The following MYBPC1 variants were observed in gnomAD, a reference collection of about 807,000 sequenced individuals.
The protein encoded by MYBPC1 is myosin binding protein C1.
Under a neutral mutation model 147.1 loss-of-function variants are expected in MYBPC1, and 52 were observed. The observed-to-expected ratio is 0.35, with a 90% CI of 0.28 to 0.45. The LOEUF is 0.45. MYBPC1 is among the 20% of genes least tolerant of loss of function. The probability of loss-of-function intolerance (pLI) is 1.00; values close to 1 mark genes in which losing one functional copy is unlikely to be tolerated. For synonymous variants in MYBPC1, 477 were observed against 475.9 expected (o/e 1.00, Z -0.03); for missense variants, 1,228 against 1,440.3 (o/e 0.85, Z 2.39).
chr12:101,669,204 T>G (rs1196622900), intron 23 of MYBPC1, among the ~76,000 whole-genome samples: 1 of 152,222 alleles, frequency 6.6e-6, no homozygotes, highest in Non-Finnish European at 1.5e-5. Context: ...GTACTTAGGC[T>G]GCACACTGCA....
chr12:101,695,725 C>G, the MYBPC1 span, among the ~76,000 whole-genome samples: 1 of 152,110 alleles, frequency 6.6e-6, no homozygotes. Context: ...GATATTGGAG[C>G]AGAGAGACAG....
chr12:101,652,525 C>T (rs1333781720), intron 16 of MYBPC1, among the ~76,000 whole-genome samples, 153 bp from the exon 17 acceptor site: 2 of 149,376 alleles, frequency 1.3e-5, no homozygotes, highest in African/African-American at 4.9e-5. Flanking sequence ...GGCTTCTCAT[C>T]CTCTCTCTCT....
Position 101,678,329 on chromosome 12 carries a change from T to A in MYBPC1, c.3246+91T>A, listed in dbSNP as rs547399093. The A allele has an allele frequency of 5.8e-6, 9 of 1,542,756 alleles. No individual in the cohort carries two copies. The East Asian group carries it at 1.1e-4, about 19-fold the overall frequency. ...TAACAATGTAAACAAATCCAGCTGC[T>A]ACTTGTGTCTTCCCAGGATGGGGGA... On this transcript the variant is annotated intron_variant, in intron 28 of 31. Coordinates refer to ENST00000361466, the MANE Select transcript of MYBPC1 (RefSeq NM_002465.4).
At chr12:101,671,331 ACACACACT>A (rs1480662296) in intron 24 of MYBPC1, among the ~76,000 whole-genome samples, 30 of 117,250 alleles carry the variant, frequency 2.6e-4, no homozygotes, top group African/African-American at 6.7e-4. Flanking sequence ...ACACACACAC[ACACACACT>A]CACACACACA....
rs945748085 is a variant in MYBPC1 at position 101,633,974 on chromosome 12, G to A, written c.557-580G>A. Among the ~76,000 whole-genome samples the A allele has an allele frequency of 4.6e-5, 7 of 151,080 alleles. No individual in the cohort carries two copies. In the East Asian group the frequency reaches 1.4e-3, roughly 30 times the overall value. ...TGCAGTGGCGCGATCTCGGCTCACT[G>A]CGAGCTCCGCCTCCCGGGTTCACGC... On this transcript the variant is annotated intron_variant, in intron 8 of 31. Coordinates refer to ENST00000361466, the MANE Select transcript of MYBPC1 (RefSeq NM_002465.4).
At chr12:101,631,947 C>A (rs1889991738) in intron 7 of MYBPC1, 74 bp from the exon 8 acceptor site, 5 of 1,382,240 alleles carry the variant, frequency 3.6e-6, no homozygotes, top group Non-Finnish European at 5.2e-6. Context: ...CACAGACAGA[C>A]ACAGCTTTAA....
chr12:101,606,203 A>AACACACAC (rs113061042), intron 1 of MYBPC1, among the ~76,000 whole-genome samples: 2,347 of 145,886 alleles, frequency 0.016, 33 homozygotes, highest in African/African-American at 0.023. Context: ...TCAAAAAAGA[A>AACACACAC]ACACACACAC....
chr12:101,685,222 T>C (rs1421825605), intron 31 of MYBPC1, among the ~76,000 whole-genome samples: 1 of 152,204 alleles, frequency 6.6e-6, no homozygotes, highest in Non-Finnish European at 1.5e-5. Context: ...TAATGTGGTA[T>C]GCATTTATTC....
chr12:101,614,638 C>T (rs1421184080), intron 2 of MYBPC1, 107 bp downstream of exon 2: 5 of 1,130,742 alleles, frequency 4.4e-6, no homozygotes, highest in Admixed American at 3.9e-5. Flanking sequence ...TTTAACCTAA[C>T]TCCTACTGAG....
At chr12:101,656,631 A>G (rs1201820545) in intron 18 of MYBPC1, among the ~76,000 whole-genome samples, 1 of 152,214 alleles carries the variant, frequency 6.6e-6, no homozygotes, top group Non-Finnish European at 1.5e-5. Context: ...TGAATGGGTC[A>G]ATACTCCAAG....
chr12:101,693,817 C>T, the MYBPC1 span, among the ~76,000 whole-genome samples: 2 of 152,194 alleles, frequency 1.3e-5, no homozygotes, highest in Non-Finnish European at 2.9e-5. Context: ...ATTGCATTTG[C>T]AGGCTCTTTT....
intron 19 of MYBPC1, chr12:101,660,090 C>T: frequency 4.0e-6 from 2 of 501,552 alleles, no homozygotes; most frequent in Admixed American, 3.2e-5. Context: ...TGCTAAATAA[C>T]TTCCCACATC....
chr12:101,639,351 T>C (rs1891583619), intron 10 of MYBPC1, among the ~76,000 whole-genome samples: 2 of 152,202 alleles, frequency 1.3e-5, no homozygotes, highest in South Asian at 4.1e-4. Context: ...CACTGTAACT[T>C]AACATAGCCA....
chr12:101,685,804 T>C lies in MYBPC1; in HGVS notation c.*242T>C. On this transcript the variant is annotated 3_prime_UTR_variant, in exon 32 of 32. Coordinates refer to ENST00000361466, the MANE Select transcript of MYBPC1 (RefSeq NM_002465.4). ...GTGGTCTTTTTCTTTCCTCCTAATG[T>C]TGAAGAGAAAAAAAAAAAAAAAAGT... 1.7e-6 allele frequency: 1 copy of C among 604,150 alleles called. No individual in the cohort carries two copies. The highest frequency in any genetic ancestry group is 2.6e-6 in the Non-Finnish European group (1 of 391,260). 37.4% of individuals were successfully genotyped at this position (604,150 alleles called of 1,614,324 possible). A position where few individuals can be genotyped will look rare whatever the true frequency, so the allele number is the denominator to read the frequency against.
intron 9 of MYBPC1, 34 bp downstream of exon 9, chr12:101,634,639 T>C: frequency 1.3e-6 from 2 of 1,525,398 alleles, no homozygotes; most frequent in Admixed American, 1.7e-5. Context: ...ATAGCTTTTG[T>C]ATAACACAGA....
In MYBPC1 at chr12:101,617,187, G is replaced by T. The variant is rs1414742122; in HGVS notation, c.62-15G>T. ...TTAAGGCACTTTAAAAAATATGCTT[G>T]TACTTTCTACACAGAACCAAGTAAA... On this transcript the variant is annotated splice_polypyrimidine_tract_variant and intron_variant, in intron 2 of 31. Coordinates refer to ENST00000361466, the MANE Select transcript of MYBPC1 (RefSeq NM_002465.4). 1.9e-6 allele frequency: 3 copies of T among 1,613,380 alleles called. No homozygotes were observed. The highest frequency in any genetic ancestry group is 2.5e-6 in the Non-Finnish European group (3 of 1,179,688).
At chr12:101,662,896 A>C (rs141356198) in intron 21 of MYBPC1, among the ~76,000 whole-genome samples, 9 of 152,204 alleles carry the variant, frequency 5.9e-5, no homozygotes, top group Non-Finnish European at 1.3e-4. Context: ...AACCCAGCTT[A>C]GTGTAAACAA....
chr12:101,624,683 A>ATTTTTTTTTTTTTTTTTTTTTTTTTTT (rs57175970), intron 3 of MYBPC1, among the ~76,000 whole-genome samples: 5 of 99,098 alleles, frequency 5.0e-5, no homozygotes, highest in African/African-American at 2.1e-4. Context: ...CGGCTAATTA[A>ATTTTTTTTTTTTTTTTTTTTTTTTTTT]TTTTTTTTTT....
chr12:101,649,427 G>A lies in MYBPC1; in HGVS notation c.1363+1G>A. On this transcript the variant is annotated splice_donor_variant, in intron 15 of 31. Coordinates refer to ENST00000361466, the MANE Select transcript of MYBPC1 (RefSeq NM_002465.4). LOFTEE classifies it high-confidence loss of function. ...TCATCTGCTAAACTTAGTGTTGACT[G>A]TAAGTGAGACTTCTTTAGATGTCTT... The A allele has an allele frequency of 6.2e-7, 1 of 1,613,714 alleles. No homozygotes were observed. Among genetic ancestry groups the A allele is most frequent in the Non-Finnish European group, 8.5e-7 (1 of 1,179,694 alleles).
Sources: gnomAD v4.1 joint callset for allele counts (sites outside exome capture counted in the v4.1 genomes callset) on GRCh38, gnomAD v4.1.1 for gene constraint, MANE v1.5 for transcripts, NCBI Gene and HGNC (gene_info 2026-07-23, HGNC 2026-07-21) for gene names.